The following STMN1 variants were observed in gnomAD, a reference collection of about 807,000 sequenced individuals.
STMN1 encodes stathmin.
Under a neutral mutation model 19.7 loss-of-function variants are expected in STMN1, and 3 were observed. The ratio of observed to expected loss-of-function variants is 0.15; its 90% CI spans 0.07 to 0.39. The LOEUF (loss-of-function observed/expected upper bound fraction) is 0.39. Among genes scored for constraint, STMN1 ranks in the 10% least tolerant of loss-of-function variants. The pLI is 1.00. For missense variants in STMN1, 99 were observed against 176.0 expected, an observed-to-expected ratio of 0.56 and a Z score of 2.48; for synonymous variants, 59 against 58.9, an observed-to-expected ratio of 1.00 and a Z score of -0.01.
chr1:25,888,492 A>C (rs1013927208), intron 4 of STMN1, among the ~76,000 whole-genome samples: 1 of 152,184 alleles, frequency 6.6e-6, no homozygotes, highest in East Asian at 1.9e-4. Context: ...TCTTGAATGA[A>C]TAAACGACTG....
chr1:25,885,566 G>A, exon 5 of STMN1: 4 of 980,658 alleles, frequency 4.1e-6, no homozygotes, highest in Admixed American at 3.2e-5. Flanking sequence ...AGTAAACTGA[G>A]GCTCAGACAC....
Position 25,900,162 on chromosome 1 carries a change from T to G in STMN1, c.*854A>C, listed in dbSNP as rs186743695. 2.0e-6 allele frequency: 2 copies of G among 985,866 alleles called. No individual in the cohort carries two copies. The highest frequency in any genetic ancestry group is 1.2e-4 in the Admixed American group (2 of 16,290). 61.1% of individuals were successfully genotyped at this position (985,866 alleles called of 1,614,324 possible). A position where few individuals can be genotyped will look rare whatever the true frequency, so the allele number is the denominator to read the frequency against. On this transcript the variant is annotated 3_prime_UTR_variant, in exon 5 of 5. Transcript: ENST00000455785. ...TTTTATTAATATTCTGATTCTCGTG[T>G]CATAGCTTTTATGGCAGGAAAGGAT...
At chr1:25,892,219 C>G (rs1160468798) in intron 4 of STMN1, among the ~76,000 whole-genome samples, 9 of 152,172 alleles carry the variant, frequency 5.9e-5, no homozygotes, top group Non-Finnish European at 1.3e-4. Context: ...AAAACCTCGT[C>G]TCTACTAAAA....
rs1196145571 is a variant in STMN1, at chr1:25,901,091, T to C, written c.379-4A>G. The stretch of plus-strand genomic sequence containing the variant: ...GCACTTCTTCAATGTGCTTATCCTG[T>C]AAAGGAAGGGTAAGGTGTCATCAGT... On this transcript the variant is annotated splice_region_variant and splice_polypyrimidine_tract_variant and intron_variant, in intron 4 of 4. Coordinates refer to ENST00000455785, the MANE Select transcript of STMN1 (RefSeq NM_005563.4). 6.4e-7 allele frequency: 1 copy of C among 1,556,482 alleles called. No individual in the cohort carries two copies. The highest frequency in any genetic ancestry group is 1.1e-5 in the South Asian group (1 of 88,616).
chr1:25,895,099 CTTTTTTTTTTTTTTTTTT>C (rs34587140), downstream of STMN1, among the ~76,000 whole-genome samples: 1 of 113,404 alleles, frequency 8.8e-6, no homozygotes, highest in African/African-American at 3.2e-5. Context: ...TATTATACGT[CTTTTTTTTTTTTTTTTTT>C]TTTGAGACAC....
At chr1:25,886,293 C>T (rs1053702420) in intron 4 of STMN1, among the ~76,000 whole-genome samples, 1 of 152,110 alleles carries the variant, frequency 6.6e-6, no homozygotes, top group African/African-American at 2.4e-5. Context: ...AAAGAAAATC[C>T]AAAACTCAGG....
At chr1:25,889,910 C>T (rs567624381) in intron 4 of STMN1, among the ~76,000 whole-genome samples, 1 of 152,340 alleles carries the variant, frequency 6.6e-6, no homozygotes, top group South Asian at 2.1e-4. Context: ...GGCCTTGGCA[C>T]TAGCAGTTCC....
Position 25,900,567 on chromosome 1 carries a change from C to G in STMN1, c.*449G>C. On this transcript the variant is annotated 3_prime_UTR_variant, in exon 5 of 5. Coordinates refer to ENST00000455785, the MANE Select transcript of STMN1 (RefSeq NM_005563.4). ...CTAACTCAAAAGAAGTCACTGCCAC[C>G]AACAGCACTGTGCAGTTTTATTAAC... is the stretch of plus-strand genomic sequence containing the variant. 1.0e-6 allele frequency: 1 copy of G among 986,768 alleles called. No individual in the cohort carries two copies. The highest frequency in any genetic ancestry group is 1.2e-6 in the Non-Finnish European group (1 of 830,612). The allele number at this position is 986,768 out of a possible 1,614,324, so 61.1% of individuals were successfully genotyped here.
At chr1:25,896,444 G>T (rs1468122704), downstream of STMN1, among the ~76,000 whole-genome samples, 1 of 152,142 alleles carries the variant, frequency 6.6e-6, no homozygotes, top group Non-Finnish European at 1.5e-5. Flanking sequence ...CCCAGGAGAG[G>T]CTCAGTCCTT....
At chr1:25,903,994 G>C (rs1422115613) in intron 2 of STMN1, among the ~76,000 whole-genome samples, 181 bp from the exon 3 acceptor site, 1 of 151,990 alleles carries the variant, frequency 6.6e-6, no homozygotes, top group Non-Finnish European at 1.5e-5. Context: ...AGATGTATTT[G>C]CAGGCAAGAT....
chr1:25,898,293 A>C (rs1472888864), downstream of STMN1, among the ~76,000 whole-genome samples: 1 of 152,228 alleles, frequency 6.6e-6, no homozygotes, highest in Non-Finnish European at 1.5e-5. Context: ...TGGAAGGTTC[A>C]TCTGACTTCC....
chr1:25,891,181 A>C (rs1405016225), intron 4 of STMN1, among the ~76,000 whole-genome samples: 1 of 152,014 alleles, frequency 6.6e-6, no homozygotes, highest in Non-Finnish European at 1.5e-5. Context: ...AAAAATACAA[A>C]AATTTGCCGG....
Position 25,903,634 on chromosome 1 carries a change from C to A in STMN1, c.186+7G>T. The A allele has an allele frequency of 1.9e-6, 3 of 1,610,722 alleles. No homozygotes were observed. The highest frequency in any genetic ancestry group is 2.1e-4 in the Middle Eastern group (1 of 4,678). ...ATATCCTGCTTTCTGTGAATTGCTT[C>A]GTTTACCTTGCGTCTTTCTTCTGCA... On this transcript the variant is annotated splice_region_variant and intron_variant, in intron 3 of 4. Transcript: ENST00000455785.
Position 25,900,130 on chromosome 1 carries a change from C to T in STMN1, c.*886G>A. On this transcript the variant is annotated 3_prime_UTR_variant, in exon 5 of 5. Transcript: ENST00000455785. The stretch of plus-strand genomic sequence containing the variant: ...TTTCACAGGAGTTGCTACAGCAGTA[C>T]ATAAAGTTTTATTAATATTCTGATT... 2 of 985,770 alleles carry T rather than the reference C, an allele frequency of 2.0e-6. No homozygotes were observed. The highest frequency in any genetic ancestry group is 5.2e-4 in the Middle Eastern group (1 of 1,914). The allele number at this position is 985,770 out of a possible 1,614,324, so 61.1% of individuals were successfully genotyped here.
At chr1:25,885,917 A>G in intron 4 of STMN1, 2 of 1,499,488 alleles carry the variant, frequency 1.3e-6, no homozygotes, top group Non-Finnish European at 1.8e-6. Context: ...CCAGAGGCCA[A>G]GGGACAGGAG....
chr1:25,896,778 C>T (rs551504786), downstream of STMN1, among the ~76,000 whole-genome samples: 6 of 152,354 alleles, frequency 3.9e-5, no homozygotes, highest in Non-Finnish European at 5.9e-5. Context: ...GCAGAGGCCT[C>T]AGCCACAGGG....
chr1:25,889,325 A>G (rs1012877892), intron 4 of STMN1, among the ~76,000 whole-genome samples: 1 of 152,196 alleles, frequency 6.6e-6, no homozygotes, highest in African/African-American at 2.4e-5. Context: ...CAACAAAATA[A>G]AACACTTTTC....
intron 3 of STMN1, chr1:25,902,545 A>G (rs1032875268): frequency 5.3e-5 from 8 of 152,258 alleles, no homozygotes; most frequent in African/African-American, 1.9e-4. Context: ...GCTTGTTCTC[A>G]AAACACATTG....
intron 3 of STMN1, chr1:25,903,003 G>A (rs1439000634): frequency 6.6e-6 from 1 of 152,228 alleles, no homozygotes; most frequent in Non-Finnish European, 1.5e-5. Flanking sequence ...ACACCAAAAT[G>A]TTAACACTGG....
Sources: allele counts gnomAD v4.1 joint callset (sites outside exome capture counted in the v4.1 genomes callset), GRCh38; gene constraint gnomAD v4.1.1; transcripts MANE v1.5; gene names NCBI Gene and HGNC (gene_info 2026-07-23, HGNC 2026-07-21).